The following PTHLH variants were observed in gnomAD, a reference collection of about 807,000 sequenced individuals.
PTHLH encodes parathyroid hormone like hormone, also known as parathyroid hormone-related protein.
In PTHLH, 5 loss-of-function variants were observed where a neutral mutation model predicts 18.6. That is an observed-to-expected ratio of 0.27 (90% CI 0.14 to 0.56). PTHLH has a LOEUF of 0.56. PTHLH is among the 20% of genes least tolerant of loss of function. The pLI, the probability that PTHLH is intolerant of heterozygous loss-of-function variation, is 0.92. For missense variants in PTHLH, 207 were observed against 223.9 expected, an observed-to-expected ratio of 0.92 and a Z score of 0.48; for synonymous variants, 90 against 94.0, an observed-to-expected ratio of 0.96 and a Z score of 0.25.
chr12:27,961,969 T>A, intron 5 of PTHLH: 1 of 718,098 alleles, frequency 1.4e-6, no homozygotes, highest in South Asian at 1.5e-5. Context: ...TTTTCCTTTT[T>A]TTTTTTCAAA....
chr12:27,964,406 C>T (rs148230044), intron 4 of PTHLH, among the ~76,000 whole-genome samples: 90 of 152,028 alleles, frequency 5.9e-4, no homozygotes, highest in African/African-American at 2.0e-3. Context: ...CCATCTGATT[C>T]ACAGACTGAA....
At chr12:27,963,015 C>A in intron 5 of PTHLH, 1 of 1,218,070 alleles carries the variant, frequency 8.2e-7, no homozygotes, top group South Asian at 2.0e-5. Flanking sequence ...AAACACACTT[C>A]TCCAGCAAAT....
chr12:27,970,131 G>A lies in PTHLH; in HGVS notation c.-129C>T, dbSNP rs1395273713. 1.9e-6 allele frequency: 1 copy of A among 518,644 alleles called. No homozygotes were observed. Among genetic ancestry groups the A allele is most frequent in the Non-Finnish European group, 3.8e-6 (1 of 259,802 alleles). 32.1% of individuals were successfully genotyped at this position (518,644 alleles called of 1,614,324 possible). On this transcript the variant is annotated 5_prime_UTR_variant, in exon 3 of 6. Transcript: ENST00000545234. ...AGGAGGGCCAGGTGGCGGCGAGGGC[G>A]GGTCGTTAGTGGCAGCCGGAGCGGC...
At chr12:27,970,957 T>C (rs889864259) in intron 2 of PTHLH, among the ~76,000 whole-genome samples, 12 of 152,172 alleles carry the variant, frequency 7.9e-5, no homozygotes, top group Admixed American at 1.3e-4. Flanking sequence ...ATTTCATATC[T>C]AAATTGCACT....
Position 27,966,855 on chromosome 12 carries a change from A to G in PTHLH, c.101+2539T>C, listed in dbSNP as rs763434758. 3.3e-5 allele frequency among the ~76,000 whole-genome samples: 5 copies of G among 152,342 alleles called. No individual in the cohort carries two copies. In the Middle Eastern group the frequency reaches 0.01, roughly 311 times the overall value. ...AAGCTTAGATTTCTAAGGAACTATC[A>G]AGGAACAGAGGGCATAAAAACAGTG... On this transcript the variant is annotated intron_variant, in intron 4 of 5. Coordinates refer to ENST00000545234, the MANE Select transcript of PTHLH (RefSeq NM_198965.2).
In PTHLH at chr12:27,963,489, C is replaced by A. The variant is rs1366080911; in HGVS notation, c.383G>T (p.Gly128Val). ...PLKTPGKKKK[G>V]KPGKRKEQEK... is the part of the protein sequence containing the mutation. ...CTGCTCCTTGCGTTTCCCGGGCTTG[C>A]CTTTCTTTTTCTTCCCAGGTGTCTT... Residue 128 changes from glycine to valine, a missense_variant, in exon 5 of 6, where the codon GGC (glycine) becomes GTC (valine). By Grantham distance (109) the Gly-to-Val change is moderately radical. Transcript: ENST00000545234. 6 of 1,614,088 alleles carry A rather than the reference C, an allele frequency of 3.7e-6. No individual in the cohort carries two copies. The East Asian group carries it at 1.3e-4, about 36-fold the overall frequency.
rs377444886 is a variant in PTHLH, at chr12:27,969,459, C to T, written c.36G>A (p.Ala12=). 1.3e-5 allele frequency: 20 copies of T among 1,591,482 alleles called. No homozygotes were observed. In the African/African-American group the frequency reaches 2.4e-4, roughly 19 times the overall value. Residue 12 remains alanine (A), a synonymous_variant, in exon 4 of 6, where the codon GCG becomes GCA. Transcript: ENST00000545234. ...GCACCGCGTAGCTCAGCAGGAACAC[C>T]GCGACGCTCCACTGCTGAACCAGTC... is the stretch of plus-strand genomic sequence containing the variant. ...QRRLVQQWSV[A]VFLLSYAVPS... is the part of the protein sequence containing the mutation.
intron 3 of PTHLH, chr12:27,969,821 G>T (rs371704386): frequency 9.7e-5 from 54 of 555,446 alleles, no homozygotes; most frequent in Non-Finnish European, 4.2e-5. Flanking sequence ...ATGCATCAAT[G>T]ATAAGTAGTG....
chr12:27,962,194 T>C, intron 5 of PTHLH: 1 of 441,320 alleles, frequency 2.3e-6, no homozygotes, highest in South Asian at 4.5e-5. Flanking sequence ...ATGGGATTAA[T>C]ATTTGCCCCA....
chr12:27,961,161 A>G (rs571595826), intron 5 of PTHLH, among the ~76,000 whole-genome samples: 1 of 151,730 alleles, frequency 6.6e-6, no homozygotes, highest in African/African-American at 2.4e-5. Flanking sequence ...GGGTAGTTCC[A>G]GGCGTAAGAA....
chr12:27,961,287 GTATATATATATACGTATATATA>G (rs1183425705), intron 5 of PTHLH, among the ~76,000 whole-genome samples: 19 of 34,150 alleles, frequency 5.6e-4, no homozygotes, highest in East Asian at 8.5e-4. Flanking sequence ...ATATATATAC[GTATATATATATACGTATATATA>G]TATATATATA....
At chr12:27,961,482 T>TTA (rs72276819) in intron 5 of PTHLH, among the ~76,000 whole-genome samples, 7 of 148,888 alleles carry the variant, frequency 4.7e-5, no homozygotes, top group Admixed American at 3.4e-4. Flanking sequence ...ACATATATGT[T>TTA]TATATATATA....
chr12:27,959,380 C>T (rs547953048), intron 5 of PTHLH, among the ~76,000 whole-genome samples: 17 of 152,286 alleles, frequency 1.1e-4, no homozygotes, highest in African/African-American at 3.8e-4. Flanking sequence ...TTTCATATCA[C>T]CATGTCTGTT....
At chr12:27,958,807 G>T (rs1254620642) in intron 5 of PTHLH, among the ~76,000 whole-genome samples, 6 of 152,204 alleles carry the variant, frequency 3.9e-5, no homozygotes. Flanking sequence ...GAAAGGAAAA[G>T]GGCCTGCGTT....
At chr12:27,962,053 C>T (rs2062766508) in intron 5 of PTHLH, 1 of 619,114 alleles carries the variant, frequency 1.6e-6, no homozygotes, top group Non-Finnish European at 2.8e-6. Context: ...GATAAAGAAG[C>T]AGGGCAAACA....
At chr12:27,969,345 TC>T in intron 4 of PTHLH, 48 bp downstream of exon 4, 1 of 1,495,978 alleles carries the variant, frequency 6.7e-7, no homozygotes. Context: ...TGGCAGCCCC[TC>T]CCCCTGGCCT....
chr12:27,965,515 A>G (rs2062805018), intron 4 of PTHLH, among the ~76,000 whole-genome samples: 1 of 152,246 alleles, frequency 6.6e-6, no homozygotes, highest in African/African-American at 2.4e-5. Flanking sequence ...AGAAAAGAGT[A>G]AGAGATGAAA....
intron 2 of PTHLH, among the ~76,000 whole-genome samples, chr12:27,971,060 A>G (rs941169601): frequency 6.6e-6 from 1 of 151,908 alleles, no homozygotes; most frequent in Non-Finnish European, 1.5e-5. Flanking sequence ...GCAGAGGGGG[A>G]CCGACACTCC....
Position 27,963,441 on chromosome 12 carries a change from C to G in PTHLH, c.431G>C (p.Arg144Pro). 1 of 1,614,160 alleles carries G rather than the reference C, an allele frequency of 6.2e-7. No individual in the cohort carries two copies. The highest frequency in any genetic ancestry group is 1.3e-5 in the African/African-American group (1 of 75,036). The stretch of plus-strand genomic sequence containing the variant: ...CACTCCAGAGTCTAACCAGGCAGAG[C>G]GAGTTCGCCGTTTTTTCTTTTCCTG... ...KEQEKKKRRT[R>P]SAWLDSGVTG... Residue 144 changes from arginine (R) to proline (P), a missense_variant, in exon 5 of 6, where the codon CGC becomes CCC. By Grantham distance (103) the Arg-to-Pro change is moderately radical (BLOSUM62 -2). Coordinates refer to ENST00000545234, the MANE Select transcript of PTHLH (RefSeq NM_198965.2).
Sources: allele counts gnomAD v4.1 joint callset (sites outside exome capture counted in the v4.1 genomes callset), GRCh38; gene constraint gnomAD v4.1.1; transcripts MANE v1.5; gene names NCBI Gene and HGNC (gene_info 2026-07-23, HGNC 2026-07-21).